Variants in GLT8D2 observed in about 807,000 individuals in gnomAD.
GLT8D2 encodes the protein glycosyltransferase 8 domain-containing protein 2.
GLT8D2 carries 45 observed loss-of-function variants against 44.5 expected under a neutral mutation model. The observed-to-expected ratio is 1.01, with a 90% confidence interval of 0.80 to 1.30. GLT8D2 has a LOEUF of 1.30. Among genes scored for constraint, GLT8D2 ranks in the 50% most tolerant of loss-of-function variants. GLT8D2 has a pLI of 0.00. For missense variants in GLT8D2, 400 were observed against 430.4 expected (o/e 0.93, Z 0.62); for synonymous variants, 156 against 157.2 (o/e 0.99, Z 0.06).
chr12:104,003,963 T>C (rs1346996049), intron 4 of GLT8D2, among the ~76,000 whole-genome samples: 1 of 152,114 alleles, frequency 6.6e-6, no homozygotes, highest in East Asian at 1.9e-4. Flanking sequence ...TGATGAACAC[T>C]GATGCAAAAA....
intron 10 of GLT8D2, among the ~76,000 whole-genome samples, chr12:103,991,282 G>A (rs1821607449): frequency 6.6e-6 from 1 of 152,128 alleles, no homozygotes; most frequent in Admixed American, 6.5e-5. Context: ...TGCCTCCCAG[G>A]TTTAGGCTAT....
In GLT8D2 at chr12:104,018,986, G is replaced by A. The variant is rs547158874; in HGVS notation, c.19+644C>T. On this transcript the variant is annotated intron_variant, in intron 3 of 10. Transcript: ENST00000360814. ...GAGATGACTCTTTAAGACTAAGAACGCAAAATTACAAATTACAAATGCTAA... is the reference window on the plus strand; with the variant it reads ...GAGATGACTCTTTAAGACTAAGAACACAAAATTACAAATTACAAATGCTAA... 3.4e-4 allele frequency among the ~76,000 whole-genome samples: 51 copies of A among 152,202 alleles called. 1 individual carries two copies. Among genetic ancestry groups the A allele is most frequent in the Admixed American group, 2.1e-3 (32 of 15,280 alleles).
In GLT8D2 at chr12:104,038,265, ATTCAACATAGTGTTGGAAG is replaced by A. The variant is rs1275723246; in HGVS notation, c.-164+11611_-164+11629del. On this transcript the variant is annotated intron_variant, in intron 1 of 10. Coordinates refer to ENST00000360814, the MANE Select transcript of GLT8D2 (RefSeq NM_001384711.1). ...AGGGATGCCCTCTCTCACCACTCCT[ATTCAACATAGTGTTGGAAG>A]TTCTGGCCAGGGCAATCAGGCAGGA... is the stretch of plus-strand genomic sequence containing the variant. 2.0e-5 allele frequency among the ~76,000 whole-genome samples: 3 copies of A among 152,222 alleles called. No individual in the cohort carries two copies. The East Asian group carries it at 5.8e-4, about 29-fold the overall frequency.
intron 10 of GLT8D2, among the ~76,000 whole-genome samples, chr12:103,992,853 T>C (rs892062703): frequency 6.6e-6 from 1 of 152,202 alleles, no homozygotes; most frequent in Non-Finnish European, 1.5e-5. Flanking sequence ...AGCATGAATT[T>C]GATGGCTTTC....
intron 1 of GLT8D2, among the ~76,000 whole-genome samples, chr12:104,029,388 T>G (rs1363816307): frequency 6.6e-6 from 1 of 152,174 alleles, no homozygotes; most frequent in South Asian, 2.1e-4. Context: ...ATGGCATTAA[T>G]GTTAAATTTC....
intron 1 of GLT8D2, among the ~76,000 whole-genome samples, chr12:104,032,465 G>GAAAAAAAAAAAAAAAAAAAAAA (rs1421816259): frequency 5.6e-5 from 1 of 17,946 alleles, no homozygotes; most frequent in African/African-American, 4.0e-4. Flanking sequence ...ATGTGCAATA[G>GAAAAAAAAAAAAAAAAAAAAAA]CAAAAAAAAA....
At chr12:104,023,306 T>TA (rs1878149250) in intron 1 of GLT8D2, among the ~76,000 whole-genome samples, 1 of 152,188 alleles carries the variant, frequency 6.6e-6, no homozygotes. Flanking sequence ...AATAAAATTT[T>TA]AAAAAATTGC....
At chr12:104,016,766 AGAAAGAAAGAAGGAAGGAAG>A (rs1165387068) in intron 3 of GLT8D2, among the ~76,000 whole-genome samples, 19 of 81,000 alleles carry the variant, frequency 2.3e-4, no homozygotes, top group Middle Eastern at 6.0e-3. Flanking sequence ...AAAGAAAGAA[AGAAAGAAAGAAGGAAGGAAG>A]GAAGGAAGGA....
At chr12:104,058,155 T>G (rs1337641619) in intron 1 of GLT8D2, among the ~76,000 whole-genome samples, 1 of 152,230 alleles carries the variant, frequency 6.6e-6, no homozygotes, top group African/African-American at 2.4e-5. Flanking sequence ...TAGGGACTGC[T>G]GATGCTTCTA....
At chr12:104,040,823 G>C (rs530331489) in intron 1 of GLT8D2, among the ~76,000 whole-genome samples, 43 of 152,156 alleles carry the variant, frequency 2.8e-4, no homozygotes, top group African/African-American at 9.9e-4. Flanking sequence ...GACTTTACTG[G>C]GTGTAAATTT....
At chr12:104,016,819 G>GAAAAGA (rs1332286622) in intron 3 of GLT8D2, among the ~76,000 whole-genome samples, 4 of 66,190 alleles carry the variant, frequency 6.0e-5, no homozygotes, top group Non-Finnish European at 1.2e-4. Flanking sequence ...AAGAAAGAAA[G>GAAAAGA]AGAAAGAAAA....
intron 1 of GLT8D2, among the ~76,000 whole-genome samples, chr12:104,040,528 C>A (rs543691523): frequency 6.6e-6 from 1 of 152,244 alleles, no homozygotes; most frequent in Admixed American, 6.5e-5. Context: ...CGGGTTTACG[C>A]GATTCTCCTG....
At chr12:104,010,879 A>G (rs972928148) in intron 4 of GLT8D2, among the ~76,000 whole-genome samples, 2 of 152,336 alleles carry the variant, frequency 1.3e-5, no homozygotes, top group Non-Finnish European at 2.9e-5. Context: ...AGGGAAGGGT[A>G]AAAAAGCTGG....
intron 3 of GLT8D2, among the ~76,000 whole-genome samples, chr12:104,017,833 T>C (rs899534010): frequency 6.6e-6 from 1 of 152,218 alleles, no homozygotes; most frequent in Admixed American, 6.5e-5. Flanking sequence ...CTCTCTGAGC[T>C]TGGTGTGCTT....
At chr12:103,996,703 A>T (rs1873468016) in intron 8 of GLT8D2, 32 bp downstream of exon 8, 1 of 1,471,842 alleles carries the variant, frequency 6.8e-7, no homozygotes, top group African/African-American at 1.4e-5. Flanking sequence ...TTGTAGAGTG[A>T]AGGGAGGATT....
intron 1 of GLT8D2, among the ~76,000 whole-genome samples, chr12:104,041,133 G>T (rs537824370): frequency 1.3e-5 from 2 of 152,250 alleles, no homozygotes; most frequent in African/African-American, 4.8e-5. Flanking sequence ...TGGGTGTGGG[G>T]CCAGGCGTGG....
chr12:104,002,894 G>C (rs1390847717), intron 5 of GLT8D2, among the ~76,000 whole-genome samples: 1 of 152,054 alleles, frequency 6.6e-6, no homozygotes, highest in Non-Finnish European at 1.5e-5. Flanking sequence ...GCAGTGAGCT[G>C]TGATTGCGCC....
At chr12:103,992,233 T>C (rs1872828348) in intron 10 of GLT8D2, among the ~76,000 whole-genome samples, 1 of 152,180 alleles carries the variant, frequency 6.6e-6, no homozygotes, top group Non-Finnish European at 1.5e-5. Flanking sequence ...CCCCAAATCA[T>C]AGTTGGGATT....
At chr12:104,029,749 G>A (rs1424958476) in intron 1 of GLT8D2, 8 of 152,170 alleles carry the variant, frequency 5.3e-5, no homozygotes. Flanking sequence ...TTATGATCGT[G>A]TGATTCTAGG....
Sources: allele counts gnomAD v4.1 joint callset (sites outside exome capture counted in the v4.1 genomes callset), GRCh38; gene constraint gnomAD v4.1.1; transcripts MANE v1.5; gene names NCBI Gene and HGNC (gene_info 2026-07-23, HGNC 2026-07-21).